The following PCLO variants were observed in gnomAD, a reference collection of about 807,000 sequenced individuals.
The protein encoded by PCLO is piccolo presynaptic cytomatrix protein.
PCLO carries 82 observed loss-of-function variants against 427.5 expected under a neutral mutation model. That is an observed-to-expected ratio of 0.19 (90% CI 0.16 to 0.23). The LOEUF (loss-of-function observed/expected upper bound fraction) is 0.23. Ranked by LOEUF, PCLO falls within the 10% of genes least tolerant of loss-of-function variation. PCLO has a pLI of 1.00. For synonymous variants in PCLO, 2,357 were observed against 2,155.4 expected, an observed-to-expected ratio of 1.09 and a Z score of -2.59; for missense variants, 6,239 against 6,115.9, an observed-to-expected ratio of 1.02 and a Z score of -0.67.
intron 3 of PCLO, among the ~76,000 whole-genome samples, chr7:83,130,444 T>C (rs981783613): frequency 6.6e-6 from 1 of 152,202 alleles, no homozygotes; most frequent in African/African-American, 2.4e-5. Flanking sequence ...CCCAGAGTGC[T>C]GGCATTACAG....
At position 82,952,086 on chromosome 7, in the gene PCLO, T is replaced by C; in HGVS notation, c.8867A>G (p.Gln2956Arg). Residue 2956 changes from glutamine (Q) to arginine (R), a missense_variant, in exon 5 of 25, where the codon CAG (glutamine) becomes CGG (arginine). By Grantham distance (43) the Gln-to-Arg change is conservative. Transcript: ENST00000333891. ...KLPFGRSCTA[Q>R]QPATTLPEDR... ...CTCAGGAAGAGTAGTTGCAGGCTGC[T>C]GTGCTGTGCAGCTCCTTCCAAATGG... 1 of 1,614,000 alleles carries C rather than the reference T, an allele frequency of 6.2e-7. No individual in the cohort carries two copies. The highest frequency in any genetic ancestry group is 8.5e-7 in the Non-Finnish European group (1 of 1,179,870).
chr7:83,134,438 C>T lies in PCLO; in HGVS notation c.3112G>A (p.Ala1038Thr), dbSNP rs752290314. 1 of 1,613,708 alleles carries T rather than the reference C, an allele frequency of 6.2e-7. No homozygotes were observed. The highest frequency in any genetic ancestry group is 8.5e-7 in the Non-Finnish European group (1 of 1,179,854). Reference sequence around the variant, plus strand: ...GGAAGGACAGCCTTTTGAGGCTCAGCTGTTAAAGATTTGCTATCCTTAATA... The same window carrying T: ...GGAAGGACAGCCTTTTGAGGCTCAGTTGTTAAAGATTTGCTATCCTTAATA... ...PPIKDSKSLTAEPQKAVLPTK... is the reference protein window; with the variant it reads ...PPIKDSKSLTTEPQKAVLPTK... The change falls in exon 3 of 25, where the codon GCT (alanine) becomes ACT (threonine). Residue 1038 changes from alanine (A) to threonine (T), a missense_variant. By Grantham distance (58) the Ala-to-Thr change is moderately conservative. This residue lies in a region of PCLO where 4,677 missense variants were observed against 4,468.4 expected (regional missense o/e 1.05). Transcript: ENST00000333891.
At chr7:83,085,391 C>T (rs1790206204) in intron 3 of PCLO, among the ~76,000 whole-genome samples, 1 of 152,118 alleles carries the variant, frequency 6.6e-6, no homozygotes, top group Non-Finnish European at 1.5e-5. Context: ...GATGAGAAAA[C>T]TGAGGCACAT....
chr7:83,088,979 G>A (rs1790308808), intron 3 of PCLO, among the ~76,000 whole-genome samples: 1 of 152,070 alleles, frequency 6.6e-6, no homozygotes, highest in Non-Finnish European at 1.5e-5. Context: ...CCTCAAATCT[G>A]TATTATGATT....
chr7:82,863,367 AAT>A (rs1447873097), intron 10 of PCLO, among the ~76,000 whole-genome samples: 2 of 152,014 alleles, frequency 1.3e-5, no homozygotes, highest in African/African-American at 4.8e-5. Context: ...TCTTCAAAGA[AAT>A]AAAATTATGT....
Position 82,767,176 on chromosome 7 carries a change from T to C in PCLO, c.15008-5683A>G, listed in dbSNP as rs374937810. On this transcript the variant is annotated intron_variant, in intron 22 of 24. Coordinates refer to ENST00000333891, the MANE Select transcript of PCLO (RefSeq NM_033026.6). Reference sequence around the variant, plus strand: ...AACCATCACACACACAGAGGACATATGATGATGTTTTATAATTTGGTTTGG... The same window carrying C: ...AACCATCACACACACAGAGGACATACGATGATGTTTTATAATTTGGTTTGG... Among the ~76,000 whole-genome samples, 6 of 152,170 alleles carry C rather than the reference T, an allele frequency of 3.9e-5. No individual in the cohort carries two copies. In the East Asian group the frequency reaches 1.2e-3, roughly 29 times the overall value.
intron 2 of PCLO, among the ~76,000 whole-genome samples, chr7:83,138,826 G>A (rs1374083177): frequency 2.0e-5 from 3 of 151,670 alleles, no homozygotes; most frequent in African/African-American, 7.3e-5. Context: ...GGGGCCTCTC[G>A]GGGGGTGGGG....
chr7:82,968,655 G>A (rs1795834245), intron 3 of PCLO, among the ~76,000 whole-genome samples: 1 of 151,388 alleles, frequency 6.6e-6, no homozygotes, highest in Admixed American at 6.6e-5. Context: ...GAGTAGCTGG[G>A]ATTACAGGTA....
chr7:82,948,590 T>C (rs1795257198), intron 6 of PCLO, among the ~76,000 whole-genome samples: 1 of 152,182 alleles, frequency 6.6e-6, no homozygotes, highest in African/African-American at 2.4e-5. Flanking sequence ...TGAGCTATTA[T>C]ATCTATCAAT....
intron 22 of PCLO, among the ~76,000 whole-genome samples, chr7:82,761,805 C>T (rs1790438008): frequency 6.6e-6 from 1 of 151,970 alleles, no homozygotes; most frequent in Admixed American, 6.6e-5. Context: ...GATAAATACA[C>T]AGATGCTTAC....
At chr7:83,072,588 G>A (rs1789846288) in intron 3 of PCLO, among the ~76,000 whole-genome samples, 1 of 151,992 alleles carries the variant, frequency 6.6e-6, no homozygotes, top group Non-Finnish European at 1.5e-5. Flanking sequence ...CATTATCTCT[G>A]AGACCTTGGC....
chr7:82,818,445 G>A (rs1433302671), intron 20 of PCLO, among the ~76,000 whole-genome samples: 1 of 152,128 alleles, frequency 6.6e-6, no homozygotes, highest in Non-Finnish European at 1.5e-5. Flanking sequence ...ACAGTGGGAA[G>A]GCTTCCTTTT....
intron 2 of PCLO, among the ~76,000 whole-genome samples, chr7:83,140,524 G>C (rs556051266): frequency 7.2e-5 from 11 of 152,098 alleles, no homozygotes; most frequent in Non-Finnish European, 1.5e-4. Flanking sequence ...TTAATCTCCA[G>C]TGTATATATG....
At chr7:83,115,443 A>G (rs557068749) in intron 3 of PCLO, among the ~76,000 whole-genome samples, 1 of 152,222 alleles carries the variant, frequency 6.6e-6, no homozygotes, top group South Asian at 2.1e-4. Context: ...TTTAGGATTT[A>G]AAAGATAAAT....
intron 3 of PCLO, among the ~76,000 whole-genome samples, chr7:83,080,802 G>A (rs1790077682): frequency 6.6e-6 from 1 of 151,976 alleles, no homozygotes; most frequent in Admixed American, 6.6e-5. Flanking sequence ...GACTCCCAGT[G>A]GATGCCTGAA....
At chr7:83,038,850 A>T (rs1788899188) in intron 3 of PCLO, among the ~76,000 whole-genome samples, 1 of 151,936 alleles carries the variant, frequency 6.6e-6, no homozygotes, top group South Asian at 2.1e-4. Flanking sequence ...CACCAGCTGT[A>T]TATTAGGGAT....
intron 20 of PCLO, among the ~76,000 whole-genome samples, chr7:82,819,296 G>A (rs2115622090): frequency 6.6e-6 from 1 of 151,826 alleles, no homozygotes; most frequent in Non-Finnish European, 1.5e-5. Flanking sequence ...AAATGTTTGA[G>A]AATATCTATT....
chr7:82,901,663 T>C (rs1794043168), intron 9 of PCLO, among the ~76,000 whole-genome samples: 1 of 152,076 alleles, frequency 6.6e-6, no homozygotes. Flanking sequence ...AGAAAATTTT[T>C]GCAACCTACT....
chr7:82,965,298 T>A (rs1795739629), intron 4 of PCLO, among the ~76,000 whole-genome samples: 1 of 149,606 alleles, frequency 6.7e-6, no homozygotes, highest in African/African-American at 2.5e-5. Context: ...TTTTTCCTTT[T>A]TTCTTTTTTC....
Sources: gnomAD v4.1 joint callset for allele counts (sites outside exome capture counted in the v4.1 genomes callset) on GRCh38, gnomAD v4.1.1 for gene constraint, gnomAD v4.1.1 regional missense constraint, MANE v1.5 for transcripts, NCBI Gene and HGNC (gene_info 2026-07-23, HGNC 2026-07-21) for gene names.